Variants in ECHS1 observed in about 807,000 individuals in gnomAD.
ECHS1 encodes the protein enoyl-CoA hydratase, mitochondrial.
ECHS1 carries 19 observed loss-of-function variants against 33.5 expected under a neutral mutation model. That is an observed-to-expected ratio of 0.57 (90% CI 0.40 to 0.83). The LOEUF (loss-of-function observed/expected upper bound fraction) is 0.83. Ranked by LOEUF, ECHS1 falls within the 40% of genes least tolerant of loss-of-function variation. The pLI, the probability that ECHS1 is intolerant of heterozygous loss-of-function variation, is 0.00. For synonymous variants in ECHS1, 158 were observed against 146.6 expected, an observed-to-expected ratio of 1.08 and a Z score of -0.56; for missense variants, 365 against 381.3, an observed-to-expected ratio of 0.96 and a Z score of 0.36.
chr10:133,369,663 C>T (rs1849078263), intron 3 of ECHS1, among the ~76,000 whole-genome samples: 1 of 152,170 alleles, frequency 6.6e-6, no homozygotes, highest in Non-Finnish European at 1.5e-5. Flanking sequence ...CACCTCTCTT[C>T]CCCCACCCTG....
rs533066937 is a variant in ECHS1 at position 133,368,710 on chromosome 10, T to C, written c.514+213A>G. ...CAGCCTCTCCCAACACCATCAGATGTGGGCACAGTCACAGTCCCGGGACTC... is the reference window on the plus strand; with the variant it reads ...CAGCCTCTCCCAACACCATCAGATGCGGGCACAGTCACAGTCCCGGGACTC... On this transcript the variant is annotated intron_variant, in intron 4 of 7. Coordinates refer to ENST00000368547, the MANE Select transcript of ECHS1 (RefSeq NM_004092.4). 3.3e-5 allele frequency among the ~76,000 whole-genome samples: 5 copies of C among 152,226 alleles called. 1 individual carries two copies. The East Asian group carries it at 9.7e-4, about 29-fold the overall frequency.
intron 7 of ECHS1, 46 bp from the exon 8 acceptor site, chr10:133,362,979 C>T (rs906870754): frequency 6.2e-7 from 1 of 1,603,570 alleles, no homozygotes; most frequent in Admixed American, 1.7e-5. Context: ...GCAGTATCCT[C>T]ACAGAGCCTG....
In ECHS1 at chr10:133,370,728, T is replaced by C; in HGVS notation, c.118A>G (p.Lys40Glu). The change falls in exon 2 of 8, where the codon AAA (lysine) becomes GAA (glutamate). Residue 40 changes from lysine to glutamate, a missense_variant. By Grantham distance (56) the Lys-to-Glu change is moderately conservative. Transcript: ENST00000368547. ...CCCACGGTGTTATTCTTCCCTCTTT[T>C]TTCTGCGATGATGTACTCAAAGTTA... is the stretch of plus-strand genomic sequence containing the variant. Reference protein sequence around the residue: ...GANFEYIIAEKRGKNNTVGLI... With the variant: ...GANFEYIIAEERGKNNTVGLI... 6.2e-7 allele frequency: 1 copy of C among 1,612,584 alleles called. No homozygotes were observed. The highest frequency in any genetic ancestry group is 8.5e-7 in the Non-Finnish European group (1 of 1,179,534).
At chr10:133,367,494 AG>A (rs1169392734) in intron 4 of ECHS1, among the ~76,000 whole-genome samples, 3 of 151,664 alleles carry the variant, frequency 2.0e-5, no homozygotes, top group Non-Finnish European at 4.4e-5. Context: ...CACCTGCATA[AG>A]GGCCGCTTGA....
intron 1 of ECHS1, among the ~76,000 whole-genome samples, chr10:133,372,032 T>A (rs1341284335): frequency 1.3e-5 from 2 of 152,130 alleles, no homozygotes; most frequent in African/African-American, 2.4e-5. Flanking sequence ...CCTCAGGTGA[T>A]CCACCTGCCT....
intron 2 of ECHS1, 56 bp from the exon 3 acceptor site, chr10:133,370,087 C>T: frequency 6.2e-7 from 1 of 1,601,970 alleles, no homozygotes; most frequent in East Asian, 2.2e-5. Flanking sequence ...CCCACCCATC[C>T]TATATCTCTC....
chr10:133,372,506 C>G (rs1031904450), intron 1 of ECHS1, among the ~76,000 whole-genome samples: 1 of 152,210 alleles, frequency 6.6e-6, no homozygotes, highest in Non-Finnish European at 1.5e-5. Flanking sequence ...CTCGGGCTGG[C>G]CGGCTGCACA....
At chr10:133,365,243 G>A (rs61671635) in intron 6 of ECHS1, among the ~76,000 whole-genome samples, 4,920 of 152,266 alleles carry the variant, frequency 0.032, 249 homozygotes, top group African/African-American at 0.11. Flanking sequence ...CTCTCCCAGG[G>A]GAGCACGACC....
chr10:133,366,344 G>C (rs984896236), intron 5 of ECHS1, among the ~76,000 whole-genome samples: 1 of 152,252 alleles, frequency 6.6e-6, no homozygotes, highest in African/African-American at 2.4e-5. Flanking sequence ...GAGGCGGCCA[G>C]ACACGGGGAC....
intron 4 of ECHS1, among the ~76,000 whole-genome samples, chr10:133,368,433 C>T (rs927704878): frequency 6.6e-6 from 1 of 152,182 alleles, no homozygotes; most frequent in East Asian, 1.9e-4. Context: ...TCGGCCTGGG[C>T]CCACCCTTCC....
intron 1 of ECHS1, among the ~76,000 whole-genome samples, chr10:133,372,293 C>T (rs756817593): frequency 1.9e-4 from 29 of 152,198 alleles, no homozygotes; most frequent in Non-Finnish European, 3.7e-4. Context: ...GAGTTCTTCC[C>T]CAGCCCAAGG....
intron 5 of ECHS1, among the ~76,000 whole-genome samples, chr10:133,366,586 T>C (rs1348019581): frequency 1.3e-5 from 2 of 151,404 alleles, no homozygotes; most frequent in East Asian, 3.9e-4. Flanking sequence ...GGCACTTGGA[T>C]GCTGCCCGGG....
chr10:133,367,568 G>T (rs1849049797), intron 4 of ECHS1, among the ~76,000 whole-genome samples: 1 of 151,650 alleles, frequency 6.6e-6, no homozygotes, highest in Admixed American at 6.6e-5. Context: ...AGCAGACCAT[G>T]AAAGGGAGTC....
Position 133,370,722 on chromosome 10 carries a change from C to T in ECHS1, c.124G>A (p.Gly42Arg). The change falls in exon 2 of 8, where the codon GGG becomes AGG. Residue 42 changes from glycine (G) to arginine (R), a missense_variant. Physicochemically the swap from Gly to Arg is moderately radical, Grantham distance 125. Coordinates refer to ENST00000368547, the MANE Select transcript of ECHS1 (RefSeq NM_004092.4). ...ATCAACCCCACGGTGTTATTCTTCCCTCTTTTTTCTGCGATGATGTACTCA... is the reference window on the plus strand; with the variant it reads ...ATCAACCCCACGGTGTTATTCTTCCTTCTTTTTTCTGCGATGATGTACTCA... ...NFEYIIAEKR[G>R]KNNTVGLIQL... is the part of the protein sequence containing the mutation. 2 of 1,612,322 alleles carry T rather than the reference C, an allele frequency of 1.2e-6. No individual in the cohort carries two copies. Among genetic ancestry groups the T allele is most frequent in the African/African-American group, 1.3e-5 (1 of 75,020 alleles).
intron 7 of ECHS1, 146 bp from the exon 8 acceptor site, chr10:133,363,079 C>T (rs1302734069): frequency 7.0e-6 from 6 of 854,532 alleles, no homozygotes; most frequent in Non-Finnish European, 1.1e-5. Context: ...GCGGCAGGAA[C>T]ACCTGCCCAA....
intron 5 of ECHS1, 152 bp from the exon 6 acceptor site, chr10:133,366,247 G>T: frequency 1.2e-6 from 1 of 843,420 alleles, no homozygotes; most frequent in Non-Finnish European, 1.8e-6. Flanking sequence ...TGCCGCACGT[G>T]CCCCTTCCTG....
chr10:133,366,142 T>C, intron 5 of ECHS1, 47 bp from the exon 6 acceptor site: 1 of 1,596,306 alleles, frequency 6.3e-7, no homozygotes, highest in South Asian at 1.1e-5. Flanking sequence ...ACAGCACTTG[T>C]CTATCCCTTC....
At chr10:133,365,381 TA>T (rs1359687359) in intron 6 of ECHS1, among the ~76,000 whole-genome samples, 1 of 152,212 alleles carries the variant, frequency 6.6e-6, no homozygotes, top group African/African-American at 2.4e-5. Flanking sequence ...TCAGAGAGGT[TA>T]GGGGACCTGC....
chr10:133,371,332 C>T (rs771950718), intron 1 of ECHS1, among the ~76,000 whole-genome samples: 48 of 152,100 alleles, frequency 3.2e-4, no homozygotes, highest in Middle Eastern at 3.2e-3. Flanking sequence ...AGCCCACAGC[C>T]GCTTTCCTTC....
Sources: allele counts gnomAD v4.1 joint callset (sites outside exome capture counted in the v4.1 genomes callset), GRCh38; gene constraint gnomAD v4.1.1; transcripts MANE v1.5; gene names NCBI Gene and HGNC (gene_info 2026-07-23, HGNC 2026-07-21).